Variants in EPB41L2 observed in about 807,000 individuals in gnomAD.
EPB41L2 encodes band 4.1-like protein 2.
A neutral mutation model predicts 113.0 loss-of-function variants in EPB41L2; 43 were observed. The ratio of observed to expected loss-of-function variants is 0.38; its 90% CI spans 0.30 to 0.49. The LOEUF (loss-of-function observed/expected upper bound fraction) is 0.49, where lower values mean the gene tolerates loss of function less well. EPB41L2 is among the 20% of genes least tolerant of loss of function. EPB41L2 has a pLI of 0.95. For missense variants in EPB41L2, 1,147 were observed against 1,223.4 expected, an observed-to-expected ratio of 0.94 and a Z score of 0.93; for synonymous variants, 442 against 436.7, an observed-to-expected ratio of 1.01 and a Z score of -0.15.
intron 1 of EPB41L2, among the ~76,000 whole-genome samples, chr6:130,958,468 C>CAAAAAAAAAAAAAAAAAAAAAAAA (rs200548809): frequency 8.8e-6 from 1 of 113,882 alleles, no homozygotes. Flanking sequence ...ACAACAACAA[C>CAAAAAAAAAAAAAAAAAAAAAAAA]AAAAAAAAAA....
intron 1 of EPB41L2, among the ~76,000 whole-genome samples, chr6:131,036,872 G>T (rs1232855304): frequency 6.6e-6 from 1 of 152,196 alleles, no homozygotes; most frequent in Non-Finnish European, 1.5e-5. Context: ...GCACAGCCAG[G>T]ATAAGCGTAC....
intron 1 of EPB41L2, among the ~76,000 whole-genome samples, chr6:131,023,816 A>G (rs1448164772): frequency 1.3e-5 from 2 of 150,558 alleles, no homozygotes; most frequent in African/African-American, 4.9e-5. Flanking sequence ...AAAGAACTCT[A>G]TGTCTATAGG....
intron 1 of EPB41L2, chr6:131,015,924 T>C (rs1788086816): frequency 6.6e-6 from 1 of 152,174 alleles, no homozygotes. Flanking sequence ...TTCACTTTTA[T>C]ATGGCAAAAG....
intron 3 of EPB41L2, among the ~76,000 whole-genome samples, chr6:130,939,249 C>G (rs1809940669): frequency 6.6e-6 from 1 of 151,944 alleles, no homozygotes; most frequent in Non-Finnish European, 1.5e-5. Flanking sequence ...TGCCAAAAAC[C>G]CAAATAACTT....
intron 14 of EPB41L2, 45 bp downstream of exon 14, chr6:130,878,059 G>C (rs747286435): frequency 1.3e-6 from 2 of 1,502,292 alleles, no homozygotes; most frequent in Non-Finnish European, 8.9e-7. Context: ...AAGTTTTATT[G>C]AGCAACTGAA....
intron 1 of EPB41L2, among the ~76,000 whole-genome samples, chr6:131,039,083 T>C (rs1440220173): frequency 6.6e-6 from 1 of 152,208 alleles, no homozygotes; most frequent in African/African-American, 2.4e-5. Context: ...CAGTTATACA[T>C]TTAAACTCTC....
intron 1 of EPB41L2, among the ~76,000 whole-genome samples, chr6:130,988,920 CT>C (rs1471924490): frequency 6.6e-6 from 1 of 152,264 alleles, no homozygotes; most frequent in Non-Finnish European, 1.5e-5. Context: ...GAAACCCTAT[CT>C]CTACTAAAAA....
chr6:131,037,417 T>C (rs1429796364), intron 1 of EPB41L2, among the ~76,000 whole-genome samples: 3 of 152,060 alleles, frequency 2.0e-5, no homozygotes, highest in Non-Finnish European at 4.4e-5. Flanking sequence ...CCTTAGATGA[T>C]ATGACTCACT....
chr6:130,879,969 T>C (rs967181263), intron 13 of EPB41L2, among the ~76,000 whole-genome samples, 175 bp downstream of exon 13: 4 of 152,226 alleles, frequency 2.6e-5, no homozygotes, highest in African/African-American at 9.7e-5. Context: ...CAGTCCTGCC[T>C]AAGCCACTTG....
intron 1 of EPB41L2, among the ~76,000 whole-genome samples, chr6:131,048,736 C>G (rs146170304): frequency 6.6e-6 from 1 of 152,168 alleles, no homozygotes; most frequent in African/African-American, 2.4e-5. Context: ...CTATTCTCTA[C>G]TTCTGAATAT....
intron 1 of EPB41L2, among the ~76,000 whole-genome samples, chr6:131,036,706 G>A (rs1251321278): frequency 6.6e-6 from 1 of 152,108 alleles, no homozygotes; most frequent in Non-Finnish European, 1.5e-5. Flanking sequence ...CAATTTATCT[G>A]GATTGAGGCC....
At chr6:131,051,270 T>C (rs568225183) in intron 1 of EPB41L2, among the ~76,000 whole-genome samples, 71 of 152,190 alleles carry the variant, frequency 4.7e-4, no homozygotes, top group African/African-American at 1.6e-3. Context: ...TATAATTTTA[T>C]TATGGCTGCA....
chr6:130,859,090 T>C (rs1781185782), intron 18 of EPB41L2, among the ~76,000 whole-genome samples: 1 of 152,226 alleles, frequency 6.6e-6, no homozygotes, highest in African/African-American at 2.4e-5. Context: ...TATCAGAAAG[T>C]AAACTGTAAG....
chr6:130,972,656 C>T (rs78547736), intron 1 of EPB41L2, among the ~76,000 whole-genome samples: 1,812 of 151,966 alleles, frequency 0.012, 16 homozygotes, highest in Admixed American at 0.028. Context: ...GTGTTACTCT[C>T]CTGCAAAGCA....
At chr6:131,024,413 C>T (rs896828366) in intron 1 of EPB41L2, among the ~76,000 whole-genome samples, 1 of 152,040 alleles carries the variant, frequency 6.6e-6, no homozygotes, top group Non-Finnish European at 1.5e-5. Flanking sequence ...AGGTGTGGCA[C>T]GGCTAAGCCT....
At chr6:130,855,886 G>T (rs766245790) in intron 19 of EPB41L2, among the ~76,000 whole-genome samples, 10 of 151,894 alleles carry the variant, frequency 6.6e-5, no homozygotes, top group Non-Finnish European at 1.5e-4. Context: ...GGGGGAGGGG[G>T]TGCAGGGGGA....
chr6:130,866,508 A>G lies in EPB41L2; in HGVS notation c.2731-874T>C, dbSNP rs140804607. On this transcript the variant is annotated intron_variant, in intron 16 of 19. Transcript: ENST00000337057. ...TGGCAACTTATCACAGCACAGACAC[A>G]TCACTAATGCTCCCCCGCCAAGCTG... Among the ~76,000 whole-genome samples, 3 of 152,322 alleles carry G rather than the reference A, an allele frequency of 2.0e-5. No homozygotes were observed. In the East Asian group the frequency reaches 5.8e-4, roughly 29 times the overall value.
chr6:130,842,937 T>C (rs904583130), intron 19 of EPB41L2, among the ~76,000 whole-genome samples: 1 of 152,214 alleles, frequency 6.6e-6, no homozygotes, highest in African/African-American at 2.4e-5. Context: ...TCCAAACAGC[T>C]TTCAGAATCA....
At chr6:130,999,408 A>G (rs1584404550) in intron 1 of EPB41L2, among the ~76,000 whole-genome samples, 4 of 152,346 alleles carry the variant, frequency 2.6e-5, no homozygotes, top group Admixed American at 2.0e-4. Flanking sequence ...AGGCATTATA[A>G]TCTTACTTTT....
Sources: allele counts gnomAD v4.1 joint callset (sites outside exome capture counted in the v4.1 genomes callset), GRCh38; gene constraint gnomAD v4.1.1; transcripts MANE v1.5; gene names NCBI Gene and HGNC (gene_info 2026-07-23, HGNC 2026-07-21).